PRKN: variants seen among roughly 807,000 people sequenced by gnomAD.
The protein encoded by PRKN is parkin RBR E3 ubiquitin protein ligase.
In PRKN, 56 loss-of-function variants were observed where a neutral mutation model predicts 59.5. That is an observed-to-expected ratio of 0.94 (90% CI 0.76 to 1.18). PRKN has a LOEUF of 1.18. PRKN is among the 50% of genes most tolerant of loss of function. The probability of loss-of-function intolerance (pLI) is 0.00; values close to 1 mark genes in which losing one functional copy is unlikely to be tolerated. For missense variants in PRKN, 657 were observed against 596.4 expected (o/e 1.10, Z -1.06); for synonymous variants, 250 against 222.1 (o/e 1.13, Z -1.12).
chr6:162,418,612 C>CTGTGTGTGTGTGTG (rs1388038881), intron 2 of PRKN, among the ~76,000 whole-genome samples: 1 of 76,724 alleles, frequency 1.3e-5, no homozygotes, highest in African/African-American at 6.9e-5. Flanking sequence ...GAGGGACAGA[C>CTGTGTGTGTGTGTG]AGTGTGTGTG....
chr6:162,235,964 A>AG (rs775766387), intron 3 of PRKN, among the ~76,000 whole-genome samples: 1 of 87,246 alleles, frequency 1.1e-5, no homozygotes. Context: ...AAAGGAAGAA[A>AG]GAAAGAAAGA....
At chr6:161,710,007 G>C in intron 7 of PRKN, among the ~76,000 whole-genome samples, 1 of 151,862 alleles carries the variant, frequency 6.6e-6, no homozygotes, top group Non-Finnish European at 1.5e-5. Context: ...GAGCTTTCTG[G>C]GTGAACTTCT....
chr6:162,529,358 TTC>T (rs1340482445), intron 1 of PRKN, among the ~76,000 whole-genome samples: 1 of 152,180 alleles, frequency 6.6e-6, no homozygotes. Context: ...TATTCTAAAT[TTC>T]TTTTTCTCCT....
chr6:161,778,667 A>G (rs7754162), intron 7 of PRKN, among the ~76,000 whole-genome samples: 63,387 of 151,806 alleles, frequency 0.42, 13,974 homozygotes, highest in African/African-American at 0.55. Flanking sequence ...CTGGAGGTCC[A>G]GCCATTTTAT....
intron 3 of PRKN, among the ~76,000 whole-genome samples, chr6:162,212,144 G>T (rs1785228576): frequency 6.6e-6 from 1 of 151,952 alleles, no homozygotes; most frequent in Non-Finnish European, 1.5e-5. Flanking sequence ...ATCCATCTAA[G>T]ACCTCACTCA....
chr6:161,434,317 TAA>T (rs35529185), intron 9 of PRKN, among the ~76,000 whole-genome samples: 78,311 of 151,834 alleles, frequency 0.52, 21,089 homozygotes, highest in East Asian at 0.84. Flanking sequence ...TGTGTCTGCT[TAA>T]AGTTTTCTGT....
chr6:162,479,201 C>A (rs1792172670), intron 1 of PRKN, among the ~76,000 whole-genome samples: 1 of 150,702 alleles, frequency 6.6e-6, no homozygotes, highest in African/African-American at 2.4e-5. Context: ...TGTTTTCCAC[C>A]TTAAAAAAAA....
intron 9 of PRKN, among the ~76,000 whole-genome samples, chr6:161,438,365 A>G (rs776648739): frequency 3.1e-4 from 47 of 151,910 alleles, no homozygotes; most frequent in Non-Finnish European, 4.6e-4. Flanking sequence ...CTACAGGCAC[A>G]CACCACCACG....
At chr6:161,472,395 C>T (rs1336378332) in intron 9 of PRKN, among the ~76,000 whole-genome samples, 1 of 152,054 alleles carries the variant, frequency 6.6e-6, no homozygotes, top group African/African-American at 2.4e-5. Context: ...ACCAAGAAGA[C>T]ACAATGGTAT....
At chr6:162,108,684 G>T (rs2128301512) in intron 4 of PRKN, among the ~76,000 whole-genome samples, 2 of 152,330 alleles carry the variant, frequency 1.3e-5, no homozygotes, top group East Asian at 1.9e-4. Flanking sequence ...GCTGAGTGCA[G>T]TGACAAAGAA....
At chr6:161,916,516 A>T (rs1778564529) in intron 6 of PRKN, among the ~76,000 whole-genome samples, 1 of 152,232 alleles carries the variant, frequency 6.6e-6, no homozygotes, top group South Asian at 2.1e-4. Flanking sequence ...AGATGTGAAC[A>T]GAATCAGGAT....
intron 2 of PRKN, among the ~76,000 whole-genome samples, chr6:162,268,249 T>C (rs1248365600): frequency 6.6e-6 from 1 of 152,182 alleles, no homozygotes; most frequent in Non-Finnish European, 1.5e-5. Context: ...TGTGATTGCA[T>C]GAAGAGGTGG....
intron 1 of PRKN, among the ~76,000 whole-genome samples, chr6:162,650,986 C>G (rs1015912835): frequency 6.6e-6 from 1 of 151,994 alleles, no homozygotes; most frequent in East Asian, 1.9e-4. Flanking sequence ...AATGAGAGGT[C>G]GAGAAGATCT....
At chr6:161,669,716 C>G (rs1784842478) in intron 7 of PRKN, among the ~76,000 whole-genome samples, 1 of 152,252 alleles carries the variant, frequency 6.6e-6, no homozygotes, top group Non-Finnish European at 1.5e-5. Flanking sequence ...CTTTTATCTG[C>G]TGCAGTGTTG....
At chr6:162,525,253 G>C (rs1778233652) in intron 1 of PRKN, among the ~76,000 whole-genome samples, 1 of 152,030 alleles carries the variant, frequency 6.6e-6, no homozygotes, top group African/African-American at 2.4e-5. Flanking sequence ...CTCTGTAAAA[G>C]AGGAACAATA....
At chr6:162,052,345 T>G (rs1777678361) in intron 5 of PRKN, among the ~76,000 whole-genome samples, 1 of 152,160 alleles carries the variant, frequency 6.6e-6, no homozygotes, top group South Asian at 2.1e-4. Context: ...AATCGTTTTG[T>G]TTTGTTTTTT....
At chr6:162,435,114 C>T (rs1789709015) in intron 2 of PRKN, among the ~76,000 whole-genome samples, 1 of 152,176 alleles carries the variant, frequency 6.6e-6, no homozygotes, top group African/African-American at 2.4e-5. Context: ...AACAGTAACA[C>T]AGTTTCAGTA....
chr6:162,190,767 A>G (rs976886160), intron 4 of PRKN, among the ~76,000 whole-genome samples: 7 of 152,216 alleles, frequency 4.6e-5, no homozygotes, highest in African/African-American at 1.7e-4. Flanking sequence ...CTTATAAAGC[A>G]TCAACAAAGG....
chr6:162,079,339 T>C (rs1778964544), intron 4 of PRKN, among the ~76,000 whole-genome samples: 1 of 152,168 alleles, frequency 6.6e-6, no homozygotes, highest in Non-Finnish European at 1.5e-5. Context: ...AGGGAATTCA[T>C]ATTCTCCAAA....
Sources: gnomAD v4.1 joint callset for allele counts (sites outside exome capture counted in the v4.1 genomes callset) on GRCh38, gnomAD v4.1.1 for gene constraint, MANE v1.5 for transcripts, NCBI Gene and HGNC (gene_info 2026-07-23, HGNC 2026-07-21) for gene names.